KIF26B: variants seen among roughly 807,000 people sequenced by gnomAD.
The protein encoded by KIF26B is kinesin family member 26B.
In KIF26B, 63 loss-of-function variants were observed where a neutral mutation model predicts 151.2. The ratio of observed to expected loss-of-function variants is 0.42; its 90% CI spans 0.34 to 0.51. KIF26B has a LOEUF of 0.51. Among genes scored for constraint, KIF26B ranks in the 20% least tolerant of loss-of-function variants. The probability of loss-of-function intolerance (pLI) is 0.07; values close to 1 mark genes in which losing one functional copy is unlikely to be tolerated. For missense variants in KIF26B, 2,813 were observed against 2,913.6 expected (o/e 0.97, Z 0.79); for synonymous variants, 1,357 against 1,262.1 (o/e 1.08, Z -1.59).
chr1:245,418,278 G>A (rs1242275710), intron 3 of KIF26B, among the ~76,000 whole-genome samples: 1 of 152,216 alleles, frequency 6.6e-6, no homozygotes, highest in Non-Finnish European at 1.5e-5. Flanking sequence ...GCCAGCAGCT[G>A]CCTTTGCAGC....
At chr1:245,497,153 CA>C (rs35741176) in intron 4 of KIF26B, among the ~76,000 whole-genome samples, 184 of 101,074 alleles carry the variant, frequency 1.8e-3, no homozygotes, top group South Asian at 2.7e-3. Context: ...AACTCCATCT[CA>C]AAAAAAAAAA....
In KIF26B at chr1:245,705,951, T is replaced by G. The variant is rs2044835826; in HGVS notation, c.*3345T>G. The G allele has an allele frequency of 6.6e-6, 1 of 152,246 alleles. No individual in the cohort carries two copies. The highest frequency in any genetic ancestry group is 1.5e-5 in the Non-Finnish European group (1 of 68,040). 9.4% of individuals were successfully genotyped at this position (152,246 alleles called of 1,614,324 possible). A position where few individuals can be genotyped will look rare whatever the true frequency, so the allele number is the denominator to read the frequency against. On this transcript the variant is annotated 3_prime_UTR_variant, in exon 15 of 15. Coordinates refer to ENST00000407071, the MANE Select transcript of KIF26B (RefSeq NM_018012.4). ...CCCGTTGTTTATTCGCCAGTTGCCA[T>G]TCTTAACATGGGGGAGCATTAAGAT... is the stretch of plus-strand genomic sequence containing the variant.
chr1:245,379,138 G>T (rs1040921965), intron 3 of KIF26B, among the ~76,000 whole-genome samples: 1 of 152,162 alleles, frequency 6.6e-6, no homozygotes, highest in Non-Finnish European at 1.5e-5. Flanking sequence ...TAAAATAAAT[G>T]TTATCCTGCA....
At chr1:245,532,300 C>A (rs1194593341) in intron 4 of KIF26B, among the ~76,000 whole-genome samples, 1 of 139,160 alleles carries the variant, frequency 7.2e-6, no homozygotes, top group East Asian at 2.0e-4. Context: ...GGCTGGAGTG[C>A]AGTGGCGCGA....
chr1:245,236,957 T>C (rs773089943), intron 2 of KIF26B, among the ~76,000 whole-genome samples: 1 of 152,204 alleles, frequency 6.6e-6, no homozygotes, highest in Non-Finnish European at 1.5e-5. Context: ...AGAAGTAAAG[T>C]GACTTGTCTG....
In KIF26B at chr1:245,682,210, A is replaced by G. The variant is rs189770362; in HGVS notation, c.2259-2023A>G. On this transcript the variant is annotated intron_variant, in intron 10 of 14. Transcript: ENST00000407071. The stretch of plus-strand genomic sequence containing the variant: ...CAGTGAGCCGAGATCGTGCCGTTGC[A>G]CTCCAGCCTGGGCAACAGAGCAAGA... Among the ~76,000 whole-genome samples, 695 of 152,250 alleles carry G rather than the reference A, an allele frequency of 4.6e-3. 1 individual carries two copies. Among genetic ancestry groups the G allele is most frequent in the Non-Finnish European group, 7.6e-3 (518 of 68,008 alleles).
intron 2 of KIF26B, among the ~76,000 whole-genome samples, chr1:245,210,610 A>G (rs1344740839): frequency 6.6e-6 from 1 of 151,770 alleles, no homozygotes; most frequent in Non-Finnish European, 1.5e-5. Context: ...GAGTGAAAAA[A>G]TTTGTTTAAT....
intron 2 of KIF26B, among the ~76,000 whole-genome samples, chr1:245,290,868 G>C (rs1671242217): frequency 6.6e-6 from 1 of 152,218 alleles, no homozygotes. Flanking sequence ...TAAAACAGCA[G>C]CTATTTAGCC....
intron 2 of KIF26B, among the ~76,000 whole-genome samples, chr1:245,172,025 T>C (rs1668718987): frequency 6.6e-6 from 1 of 152,164 alleles, no homozygotes; most frequent in Non-Finnish European, 1.5e-5. Flanking sequence ...ACTCCAGGGT[T>C]CATTCCATCT....
chr1:245,702,441 C>CTCT lies in KIF26B; in HGVS notation c.6179-14_6179-12dup. On this transcript the variant is annotated splice_polypyrimidine_tract_variant and intron_variant, in intron 14 of 14. Coordinates refer to ENST00000407071, the MANE Select transcript of KIF26B (RefSeq NM_018012.4). This position sits in a 1 kb window ranked among gnomAD's most constrained non-coding sequence, Gnocchi z 4.1. Reference sequence around the variant, plus strand: ...CTGTTTGCTCTGCGTCTCCATCAGGCTCTTCCTCTCTTGCAGTTGACTTGG... The same window carrying CTCT: ...CTGTTTGCTCTGCGTCTCCATCAGGCTCTTCTTCCTCTCTTGCAGTTGACTTGG... 1 of 1,613,534 alleles carries CTCT rather than the reference C, an allele frequency of 6.2e-7. No individual in the cohort carries two copies.
rs77179166 is a variant in KIF26B at position 245,467,270 on chromosome 1, C to T, written c.1166+47525C>T. 4.4e-3 allele frequency among the ~76,000 whole-genome samples: 667 copies of T among 152,334 alleles called. 4 individuals carry two copies. The highest frequency in any genetic ancestry group is 0.015 in the African/African-American group (626 of 41,578). ...TAAAAGGATGAGGAAAAAAGTGGCA[C>T]CAAGATGATGCGAGCTCTTTATTCT... On this transcript the variant is annotated intron_variant, in intron 4 of 14. Transcript: ENST00000407071.
chr1:245,179,531 G>A (rs1668867831), intron 2 of KIF26B, among the ~76,000 whole-genome samples: 1 of 152,168 alleles, frequency 6.6e-6, no homozygotes, highest in Non-Finnish European at 1.5e-5. Context: ...GGCTGAGGCA[G>A]GAGAATCACT....
intron 9 of KIF26B, among the ~76,000 whole-genome samples, chr1:245,644,568 T>C (rs1299118343): frequency 1.3e-5 from 2 of 152,240 alleles, no homozygotes; most frequent in Non-Finnish European, 2.9e-5. Flanking sequence ...GGAAACAGTT[T>C]GATCATTTTT....
intron 2 of KIF26B, among the ~76,000 whole-genome samples, chr1:245,215,652 G>A (rs574076998): frequency 6.6e-6 from 1 of 152,284 alleles, no homozygotes; most frequent in South Asian, 2.1e-4. Context: ...AAATGGAATC[G>A]AAGCTGGTCT....
rs1044237441 is a variant in KIF26B, at chr1:245,609,450, G to A, written c.1836G>A (p.Ser612=). 52 of 1,605,438 alleles carry A rather than the reference G, an allele frequency of 3.2e-5. No individual in the cohort carries two copies. The highest frequency in any genetic ancestry group is 1.2e-4 in the African/African-American group (9 of 74,814). ...AGGAGAACCTGCGGGACCTGCTGTCGGAGGTGGCCACGGGCAGCCTGCAGG... is the reference window on the plus strand; with the variant it reads ...AGGAGAACCTGCGGGACCTGCTGTCAGAGGTGGCCACGGGCAGCCTGCAGG... ...GKEENLRDLL[S]EVATGSLQDG... The change falls in exon 8 of 15, where the codon TCG becomes TCA. Residue 612 remains serine (S), a synonymous_variant. Transcript: ENST00000407071.
intron 4 of KIF26B, among the ~76,000 whole-genome samples, chr1:245,484,521 G>C (rs1660233507): frequency 6.6e-6 from 1 of 151,768 alleles, no homozygotes; most frequent in African/African-American, 2.4e-5. Flanking sequence ...TGTAGTTTCT[G>C]GGATGGATTC....
At chr1:245,238,947 C>T (rs7536687) in intron 2 of KIF26B, among the ~76,000 whole-genome samples, 59,583 of 151,966 alleles carry the variant, frequency 0.39, 12,437 homozygotes, top group East Asian at 0.71. Context: ...GTCTCAATTT[C>T]TACACTTCCT....
rs79533223 is a variant in KIF26B, at chr1:245,540,106, C to T, written c.1167-661C>T. Among the ~76,000 whole-genome samples, 1,067 of 152,280 alleles carry T rather than the reference C, an allele frequency of 7.0e-3. 19 individuals carry two copies. The highest frequency in any genetic ancestry group is 0.025 in the African/African-American group (1,023 of 41,560). ...TTCAGTGCTTTGACCCCTTACTCCT[C>T]GCACTTGACCATGAATTGCATTTTG... is the stretch of plus-strand genomic sequence containing the variant. On this transcript the variant is annotated intron_variant, in intron 4 of 14. Transcript: ENST00000407071. This position sits in a 1 kb window ranked among gnomAD's most constrained non-coding sequence, Gnocchi z 4.6.
chr1:245,291,576 G>T (rs1428120526), intron 2 of KIF26B, among the ~76,000 whole-genome samples: 1 of 152,128 alleles, frequency 6.6e-6, no homozygotes, highest in African/African-American at 2.4e-5. Flanking sequence ...GTTCTCCTGA[G>T]CATCTTGTAT....
Sources: allele counts gnomAD v4.1 joint callset (sites outside exome capture counted in the v4.1 genomes callset), GRCh38; gene constraint gnomAD v4.1.1; non-coding constraint Gnocchi (gnomAD v3.1); transcripts MANE v1.5; gene names NCBI Gene and HGNC (gene_info 2026-07-23, HGNC 2026-07-21).